Variants in FHIP1A observed in about 807,000 individuals in gnomAD.
FHIP1A encodes FHF complex subunit HOOK interacting protein 1A, also known as FHF complex subunit HOOK-interacting protein 1A.
FHIP1A carries 61 observed loss-of-function variants against 88.6 expected under a neutral mutation model. The ratio of observed to expected loss-of-function variants is 0.69; its 90% CI spans 0.56 to 0.85. FHIP1A has a LOEUF of 0.85. Ranked by LOEUF, FHIP1A falls within the 40% of genes least tolerant of loss-of-function variation. The pLI is 0.00. For synonymous variants in FHIP1A, 478 were observed against 496.0 expected (o/e 0.96, Z 0.48); for missense variants, 1,154 against 1,273.5 (o/e 0.91, Z 1.43).
chr4:151,632,574 C>T (rs1264162322), intron 8 of FHIP1A, among the ~76,000 whole-genome samples: 1 of 152,048 alleles, frequency 6.6e-6, no homozygotes. Flanking sequence ...CAGGATAGAC[C>T]ACTTGTTAGG....
chr4:151,469,692 G>C (rs1729443415), intron 2 of FHIP1A, among the ~76,000 whole-genome samples: 1 of 152,204 alleles, frequency 6.6e-6, no homozygotes, highest in Middle Eastern at 3.4e-3. Context: ...TAAAATTGTG[G>C]ATTTCTTTTT....
chr4:151,573,055 G>C (rs1733653208), intron 4 of FHIP1A, among the ~76,000 whole-genome samples: 1 of 152,178 alleles, frequency 6.6e-6, no homozygotes, highest in South Asian at 2.1e-4. Context: ...ATACTACTTA[G>C]TGAAAGAAAT....
intron 2 of FHIP1A, among the ~76,000 whole-genome samples, chr4:151,463,027 G>T (rs1465408314): frequency 6.6e-6 from 1 of 152,242 alleles, no homozygotes; most frequent in East Asian, 1.9e-4. Flanking sequence ...TTGGCCGGTT[G>T]AGGGTAGGTC....
chr4:151,626,975 G>A (rs1282173835), intron 7 of FHIP1A, among the ~76,000 whole-genome samples: 1 of 152,152 alleles, frequency 6.6e-6, no homozygotes, highest in Non-Finnish European at 1.5e-5. Flanking sequence ...TATTTGGGGG[G>A]ATTAGAGGAA....
intron 1 of FHIP1A, among the ~76,000 whole-genome samples, chr4:151,437,586 C>A (rs557566640): frequency 2.8e-4 from 43 of 152,232 alleles, no homozygotes; most frequent in African/African-American, 1.0e-3. Context: ...TAGACCATTC[C>A]TACTGTGTAA....
intron 1 of FHIP1A, among the ~76,000 whole-genome samples, chr4:151,414,624 AC>A (rs1732815288): frequency 6.6e-6 from 1 of 152,200 alleles, no homozygotes. Flanking sequence ...AGAAGGCATT[AC>A]TAAGGGGAGA....
intron 1 of FHIP1A, among the ~76,000 whole-genome samples, chr4:151,452,725 A>G (rs904561289): frequency 2.0e-5 from 3 of 151,668 alleles, no homozygotes; most frequent in Admixed American, 6.6e-5. Flanking sequence ...TGCAGTGAGC[A>G]GAGATTGGCG....
intron 13 of FHIP1A, among the ~76,000 whole-genome samples, chr4:151,659,794 C>T (rs1018477827): frequency 2.0e-5 from 3 of 152,194 alleles, no homozygotes; most frequent in Non-Finnish European, 4.4e-5. Flanking sequence ...CGATGAAAAA[C>T]GAGCCTCCTC....
Position 151,668,310 on chromosome 4 carries a change from T to C in FHIP1A, c.*5556T>C, listed in dbSNP as rs1178283078. On this transcript the variant is annotated 3_prime_UTR_variant, in exon 14 of 14. Coordinates refer to ENST00000435205, the MANE Select transcript of FHIP1A (RefSeq NM_001109977.3). ...GTGGAAACTATGCAACTAAATTCAA[T>C]GGAAATGAAAGATACAATATAAAAT... 1.3e-5 allele frequency among the ~76,000 whole-genome samples: 2 copies of C among 152,070 alleles called. No homozygotes were observed. The highest frequency in any genetic ancestry group is 4.8e-5 in the African/African-American group (2 of 41,386).
At chr4:151,629,957 C>A in intron 8 of FHIP1A, 88 bp downstream of exon 8, 2 of 1,078,504 alleles carry the variant, frequency 1.9e-6, no homozygotes, top group Non-Finnish European at 2.6e-6. Context: ...TGAATATTCT[C>A]TTTTGCTCTC....
chr4:151,448,492 G>A (rs996481778), intron 1 of FHIP1A, among the ~76,000 whole-genome samples: 1 of 152,028 alleles, frequency 6.6e-6, no homozygotes, highest in African/African-American at 2.4e-5. Context: ...CCAGCTCCTG[G>A]CAACCACAAT....
At chr4:151,414,927 C>T (rs1410851981) in intron 1 of FHIP1A, among the ~76,000 whole-genome samples, 2 of 152,114 alleles carry the variant, frequency 1.3e-5, no homozygotes, top group Non-Finnish European at 2.9e-5. Flanking sequence ...TTAAAGTACA[C>T]TGCAATGTTA....
chr4:151,536,028 T>A (rs2120098), intron 3 of FHIP1A, among the ~76,000 whole-genome samples: 44,782 of 152,142 alleles, frequency 0.29, 6,829 homozygotes, highest in Non-Finnish European at 0.34. Flanking sequence ...CATTGCCAAA[T>A]GCCTTCTGGA....
intron 5 of FHIP1A, among the ~76,000 whole-genome samples, chr4:151,581,292 G>T (rs182122527): frequency 1.3e-5 from 2 of 152,292 alleles, no homozygotes; most frequent in East Asian, 3.9e-4. Flanking sequence ...CTTTTTGGGG[G>T]TGAAGGAAGG....
intron 5 of FHIP1A, among the ~76,000 whole-genome samples, chr4:151,585,271 A>G (rs959719600): frequency 6.6e-6 from 1 of 151,866 alleles, no homozygotes; most frequent in African/African-American, 2.4e-5. Context: ...TCCGCCTCCC[A>G]GGCTCAAGGG....
At position 151,588,882 on chromosome 4, in the gene FHIP1A, T is replaced by C; in HGVS notation, c.934T>C (p.Tyr312His). ...TCGAAATCAGCTTGTCAATTACATTTACAATGGATTTTTGGTACCAGTCTT... is the reference window on the plus strand; with the variant it reads ...TCGAAATCAGCTTGTCAATTACATTCACAATGGATTTTTGGTACCAGTCTT... ...LIRNQLVNYI[Y>H]NGFLVPVLAP... is the part of the protein sequence containing the mutation. Residue 312 changes from tyrosine to histidine, a missense_variant, in exon 7 of 14, where the codon TAC (tyrosine) becomes CAC (histidine). Physicochemically the swap from Tyr to His is moderately conservative, Grantham distance 83. Transcript: ENST00000435205. 1.3e-6 allele frequency: 2 copies of C among 1,551,428 alleles called. No individual in the cohort carries two copies. The highest frequency in any genetic ancestry group is 1.7e-6 in the Non-Finnish European group (2 of 1,146,772).
intron 3 of FHIP1A, among the ~76,000 whole-genome samples, chr4:151,487,105 A>G (rs1256157614): frequency 6.6e-6 from 1 of 152,132 alleles, no homozygotes; most frequent in African/African-American, 2.4e-5. Flanking sequence ...AATTCTTTCA[A>G]ATAGTAAACC....
At chr4:151,448,106 A>G (rs1197259960) in intron 1 of FHIP1A, among the ~76,000 whole-genome samples, 1 of 151,120 alleles carries the variant, frequency 6.6e-6, no homozygotes, top group Non-Finnish European at 1.5e-5. Flanking sequence ...TTTAGTAGAG[A>G]TGGCATTTCA....
intron 3 of FHIP1A, among the ~76,000 whole-genome samples, chr4:151,513,898 A>G (rs1252865094): frequency 6.6e-6 from 1 of 150,886 alleles, no homozygotes; most frequent in Non-Finnish European, 1.5e-5. Context: ...GATCAACGAG[A>G]CAGAAAGTTA....
Sources: allele counts gnomAD v4.1 joint callset (sites outside exome capture counted in the v4.1 genomes callset), GRCh38; gene constraint gnomAD v4.1.1; transcripts MANE v1.5; gene names NCBI Gene and HGNC (gene_info 2026-07-23, HGNC 2026-07-21).